Variants in CLASP2 observed in about 807,000 individuals in gnomAD.
The protein encoded by CLASP2 is CLIP-associating protein 2.
CLASP2 carries 47 observed loss-of-function variants against 194.4 expected under a neutral mutation model. The ratio of observed to expected loss-of-function variants is 0.24; its 90% CI spans 0.19 to 0.31. The LOEUF (loss-of-function observed/expected upper bound fraction) is 0.31, where lower values mean the gene tolerates loss of function less well. CLASP2 is among the 10% of genes least tolerant of loss of function. The pLI, the probability that CLASP2 is intolerant of heterozygous loss-of-function variation, is 1.00. For synonymous variants in CLASP2, 619 were observed against 633.5 expected (o/e 0.98, Z 0.34); for missense variants, 1,445 against 1,823.6 (o/e 0.79, Z 3.78).
chr3:33,592,279 T>A, intron 21 of CLASP2, 116 bp downstream of exon 21: 1 of 803,526 alleles, frequency 1.2e-6, no homozygotes, highest in Non-Finnish European at 2.1e-6. Context: ...GGCTTGTCTT[T>A]TTTTAAATTA....
intron 3 of CLASP2, among the ~76,000 whole-genome samples, chr3:33,689,205 A>T (rs2091061288): frequency 3.3e-5 from 5 of 152,054 alleles, no homozygotes; most frequent in Admixed American, 3.3e-4. Flanking sequence ...AAATGTGAGT[A>T]ACCTGACTCA....
intron 33 of CLASP2, among the ~76,000 whole-genome samples, chr3:33,536,393 A>C (rs1005745854): frequency 5.3e-5 from 8 of 152,180 alleles, no homozygotes; most frequent in African/African-American, 1.9e-4. Flanking sequence ...TTGAATAAAC[A>C]CTTGAAGGAA....
intron 34 of CLASP2, among the ~76,000 whole-genome samples, chr3:33,531,506 C>T (rs1199072212): frequency 3.9e-5 from 6 of 152,142 alleles, no homozygotes; most frequent in African/African-American, 9.7e-5. Flanking sequence ...CCAGGTGCAA[C>T]GGCTCATACC....
chr3:33,690,591 C>G (rs1318776393), intron 2 of CLASP2, among the ~76,000 whole-genome samples: 1 of 152,192 alleles, frequency 6.6e-6, no homozygotes, highest in Non-Finnish European at 1.5e-5. Flanking sequence ...GTAGTCCCCC[C>G]TTATCCACAG....
intron 1 of CLASP2, among the ~76,000 whole-genome samples, chr3:33,714,697 G>A (rs1209237711): frequency 1.3e-5 from 2 of 151,814 alleles, no homozygotes; most frequent in Admixed American, 6.6e-5. Context: ...CTTTATAGTC[G>A]ACTCTCCACA....
At chr3:33,551,942 T>G (rs2154162087) in intron 29 of CLASP2, among the ~76,000 whole-genome samples, 1 of 150,642 alleles carries the variant, frequency 6.6e-6, no homozygotes, top group East Asian at 1.9e-4. Context: ...CAATATAGTT[T>G]TTTTTTTTTT....
intron 29 of CLASP2, among the ~76,000 whole-genome samples, chr3:33,556,471 T>A (rs933674707): frequency 6.6e-6 from 1 of 151,774 alleles, no homozygotes; most frequent in African/African-American, 2.4e-5. Context: ...AGTCTCACTC[T>A]GTCATCCAGG....
chr3:33,678,174 G>T (rs1293735165), intron 6 of CLASP2, among the ~76,000 whole-genome samples: 1 of 151,848 alleles, frequency 6.6e-6, no homozygotes, highest in African/African-American at 2.4e-5. Context: ...GAACAAGAAA[G>T]AACAGAAAGA....
chr3:33,587,935 G>A (rs976443209), intron 21 of CLASP2, among the ~76,000 whole-genome samples: 11 of 152,114 alleles, frequency 7.2e-5, no homozygotes, highest in Non-Finnish European at 1.3e-4. Context: ...AAATTTGGGG[G>A]GTGGAAGTGT....
chr3:33,669,715 A>C (rs1000863652), intron 6 of CLASP2, among the ~76,000 whole-genome samples: 7 of 152,196 alleles, frequency 4.6e-5, no homozygotes, highest in African/African-American at 1.7e-4. Context: ...AACTGCAATG[A>C]AACACTACAC....
In CLASP2 at chr3:33,717,917, A is replaced by T. The variant is rs1202064636; in HGVS notation, c.86T>A (p.Leu29Gln). 6.4e-7 allele frequency: 1 copy of T among 1,552,656 alleles called. No individual in the cohort carries two copies. ...GGCGCCGGGGGCGCCAAGGTAGAGC[A>T]GGAGCTCCTGGCCGACCTGCAGCCG... The part of the protein sequence containing the change: ...GGRLQVGQEL[L>Q]LYLGAPGAIS... Residue 29 changes from leucine to glutamine, a missense_variant, in exon 1 of 39, where the codon CTG (leucine) becomes CAG (glutamine). Physicochemically the swap from Leu to Gln is moderately radical, Grantham distance 113 (BLOSUM62 -2). This residue lies in a region of CLASP2 where 332 missense variants were observed against 325.3 expected (regional missense o/e 1.02). Coordinates refer to ENST00000682230, the MANE Select transcript of CLASP2 (RefSeq NM_001365631.1).
chr3:33,547,790 ATT>A (rs551611344), intron 30 of CLASP2, among the ~76,000 whole-genome samples: 18 of 135,932 alleles, frequency 1.3e-4, no homozygotes, highest in East Asian at 2.1e-4. Context: ...TATTTTATGT[ATT>A]TTTTTTTTTT....
chr3:33,691,576 G>A (rs2091356616), intron 2 of CLASP2, among the ~76,000 whole-genome samples: 1 of 152,140 alleles, frequency 6.6e-6, no homozygotes, highest in Non-Finnish European at 1.5e-5. Flanking sequence ...TTCATCAATA[G>A]GAACAATATA....
rs112362547 is a variant in CLASP2 at position 33,659,347 on chromosome 3, G to A, written c.715+4098C>T. 7,227 of 1,097,174 alleles carry A rather than the reference G, an allele frequency of 6.6e-3. 46 individuals are homozygous for A. The highest frequency in any genetic ancestry group is 0.029 in the South Asian group (662 of 22,722). 68.0% of individuals were successfully genotyped at this position (1,097,174 alleles called of 1,614,324 possible). ...TCTGAGAGCCAATAAATGCCATCCC[G>A]CTGGGGGACTTTTAATGCAATCATC... is the stretch of plus-strand genomic sequence containing the variant. On this transcript the variant is annotated intron_variant, in intron 7 of 38. Coordinates refer to ENST00000682230, the MANE Select transcript of CLASP2 (RefSeq NM_001365631.1).
intron 29 of CLASP2, among the ~76,000 whole-genome samples, chr3:33,553,232 T>C (rs2060343734): frequency 6.6e-6 from 1 of 152,174 alleles, no homozygotes; most frequent in African/African-American, 2.4e-5. Flanking sequence ...TGTACATTTT[T>C]CCCTTCCTAC....
intron 15 of CLASP2, among the ~76,000 whole-genome samples, chr3:33,607,151 G>A (rs2074049346): frequency 6.6e-6 from 1 of 152,184 alleles, no homozygotes. Context: ...TTTTATTCAT[G>A]ATGAAAGTGA....
At chr3:33,711,786 A>G (rs2093025345) in intron 1 of CLASP2, among the ~76,000 whole-genome samples, 1 of 152,182 alleles carries the variant, frequency 6.6e-6, no homozygotes, top group Admixed American at 6.5e-5. Context: ...GTTCACCATC[A>G]CTAATCATCA....
intron 29 of CLASP2, among the ~76,000 whole-genome samples, chr3:33,557,189 G>T (rs1385383981): frequency 6.6e-6 from 1 of 151,760 alleles, no homozygotes; most frequent in Non-Finnish European, 1.5e-5. Flanking sequence ...GGCCAGGCTG[G>T]TCTCAAACTC....
At chr3:33,587,013 A>G (rs1368742707) in intron 21 of CLASP2, among the ~76,000 whole-genome samples, 1 of 152,216 alleles carries the variant, frequency 6.6e-6, no homozygotes, top group African/African-American at 2.4e-5. Context: ...GGGATTTTTC[A>G]AAAATGAAAG....
Sources: allele counts gnomAD v4.1 joint callset (sites outside exome capture counted in the v4.1 genomes callset), GRCh38; gene constraint gnomAD v4.1.1; regional missense constraint gnomAD v4.1.1; transcripts MANE v1.5; gene names NCBI Gene and HGNC (gene_info 2026-07-23, HGNC 2026-07-21).